Variants in MGRN1 observed in about 807,000 individuals in gnomAD.
MGRN1 encodes mahogunin ring finger 1.
Under a neutral mutation model 69.2 loss-of-function variants are expected in MGRN1, and 29 were observed. The observed-to-expected ratio is 0.42, with a 90% CI of 0.31 to 0.57. The LOEUF (loss-of-function observed/expected upper bound fraction) is 0.57, where lower values mean the gene tolerates loss of function less well. Ranked by LOEUF, MGRN1 falls within the 20% of genes least tolerant of loss-of-function variation. The pLI, the probability that MGRN1 is intolerant of heterozygous loss-of-function variation, is 0.15. For synonymous variants in MGRN1, 470 were observed against 344.2 expected, an observed-to-expected ratio of 1.37 and a Z score of -4.04; for missense variants, 998 against 796.2, an observed-to-expected ratio of 1.25 and a Z score of -3.05.
At chr16:4,638,600 C>T (rs1245330782) in intron 1 of MGRN1, among the ~76,000 whole-genome samples, 2 of 152,204 alleles carry the variant, frequency 1.3e-5, no homozygotes, top group Non-Finnish European at 2.9e-5. Flanking sequence ...ACCCCCAGAG[C>T]ACTCGAAGGC....
At chr16:4,643,353 C>T (rs2078204033) in intron 1 of MGRN1, among the ~76,000 whole-genome samples, 2 of 151,946 alleles carry the variant, frequency 1.3e-5, no homozygotes, top group Non-Finnish European at 2.9e-5. Context: ...ACCTTGGCCT[C>T]CCAAAGTGGT....
At chr16:4,643,015 G>A (rs1269984569) in intron 1 of MGRN1, among the ~76,000 whole-genome samples, 1 of 151,946 alleles carries the variant, frequency 6.6e-6, no homozygotes, top group Non-Finnish European at 1.5e-5. Flanking sequence ...GAGTGAAGTG[G>A]CACAATCTCA....
intron 1 of MGRN1, among the ~76,000 whole-genome samples, chr16:4,628,385 CAAA>C (rs35474754): frequency 3.3e-4 from 31 of 93,974 alleles, no homozygotes; most frequent in Admixed American, 3.3e-4. Flanking sequence ...ACTCTGTCTC[CAAA>C]AAAAAAAAAA....
chr16:4,632,214 C>T (rs796204942), intron 1 of MGRN1, among the ~76,000 whole-genome samples: 4 of 151,110 alleles, frequency 2.6e-5, no homozygotes, highest in African/African-American at 7.3e-5. Flanking sequence ...ATGGGTTTCA[C>T]CATGTTGGCA....
chr16:4,676,556 C>T (rs77535261), intron 10 of MGRN1, among the ~76,000 whole-genome samples: 2,395 of 152,254 alleles, frequency 0.016, 33 homozygotes, highest in Non-Finnish European at 0.025. Context: ...CACAGGCGCC[C>T]GAGGGCAGAG....
intron 7 of MGRN1, among the ~76,000 whole-genome samples, chr16:4,667,174 C>T (rs573575658): frequency 7.2e-5 from 11 of 152,358 alleles, no homozygotes; most frequent in African/African-American, 2.6e-4. Flanking sequence ...CCAGGCTCTC[C>T]ACCCACCTCC....
intron 4 of MGRN1, among the ~76,000 whole-genome samples, chr16:4,655,759 G>A (rs905724176): frequency 1.2e-4 from 19 of 152,200 alleles, no homozygotes; most frequent in African/African-American, 4.3e-4. Context: ...CCAGGCACCC[G>A]GACACCATCC....
chr16:4,688,600 A>G, intron 16 of MGRN1, 196 bp from the exon 17 acceptor site: 1 of 1,351,214 alleles, frequency 7.4e-7, no homozygotes, highest in Non-Finnish European at 9.6e-7. Flanking sequence ...CAAGAGGGAC[A>G]CAGCGTATTT....
At chr16:4,631,778 AT>A (rs1312184835) in intron 1 of MGRN1, among the ~76,000 whole-genome samples, 1 of 152,162 alleles carries the variant, frequency 6.6e-6, no homozygotes, top group African/African-American at 2.4e-5. Flanking sequence ...GCAGCCTGCA[AT>A]TTTGATAAGT....
intron 10 of MGRN1, among the ~76,000 whole-genome samples, chr16:4,674,381 C>A (rs909337999): frequency 1.3e-5 from 2 of 151,578 alleles, no homozygotes; most frequent in African/African-American, 4.9e-5. Flanking sequence ...CTCCGCCTCC[C>A]GGGTTTAAGT....
At chr16:4,687,317 A>AGG in intron 16 of MGRN1, 1 of 978,544 alleles carries the variant, frequency 1.0e-6, no homozygotes, top group Non-Finnish European at 1.2e-6. Context: ...TGGGAGACCG[A>AGG]GGGGATAGAT....
intron 4 of MGRN1, 140 bp downstream of exon 4, chr16:4,652,964 A>AG: frequency 8.4e-7 from 1 of 1,184,584 alleles, no homozygotes; most frequent in Non-Finnish European, 1.1e-6. Context: ...CCACGATGTG[A>AG]GGGGTTTCTC....
At chr16:4,628,875 C>T (rs1169049997) in intron 1 of MGRN1, among the ~76,000 whole-genome samples, 3 of 151,830 alleles carry the variant, frequency 2.0e-5, no homozygotes, top group Non-Finnish European at 2.9e-5. Context: ...CAGTCTCGCT[C>T]TGTTGCCCTG....
At chr16:4,657,416 CTTGGGGG>C in intron 5 of MGRN1, 53 bp downstream of exon 5, 1 of 1,551,170 alleles carries the variant, frequency 6.4e-7, no homozygotes, top group Non-Finnish European at 8.9e-7. Context: ...ATTCTCTCCC[CTTGGGGG>C]TGGGGCCAGC....
At chr16:4,670,165 AGTGATTTCTC>A (rs2078906141) in intron 8 of MGRN1, among the ~76,000 whole-genome samples, 1 of 150,258 alleles carries the variant, frequency 6.7e-6, no homozygotes, top group Admixed American at 6.6e-5. Context: ...CCCAGGTTCA[AGTGATTTCTC>A]GTTCAGGCTC....
rs931020002 is a variant in MGRN1, at chr16:4,678,532, G to A, written c.1065+960G>A. On this transcript the variant is annotated intron_variant, in intron 11 of 16. Coordinates refer to ENST00000262370, the MANE Select transcript of MGRN1 (RefSeq NM_015246.4). ...ATAGGAAGAGACAGACAGATGTGGAGAGACGGAGAGACAGATGTGGAGAGA... is the reference window on the plus strand; with the variant it reads ...ATAGGAAGAGACAGACAGATGTGGAAAGACGGAGAGACAGATGTGGAGAGA... Among the ~76,000 whole-genome samples, 3 of 152,116 alleles carry A rather than the reference G, an allele frequency of 2.0e-5. No individual in the cohort carries two copies. The South Asian group carries it at 6.2e-4, about 32-fold the overall frequency.
At chr16:4,633,781 T>G (rs1898134839) in intron 1 of MGRN1, 2 of 151,834 alleles carry the variant, frequency 1.3e-5, no homozygotes, top group South Asian at 4.2e-4. Flanking sequence ...GCAGTGGTGC[T>G]ATCTCGGCTC....
chr16:4,679,801 C>T (rs898498650), intron 11 of MGRN1, among the ~76,000 whole-genome samples: 3 of 152,192 alleles, frequency 2.0e-5, no homozygotes, highest in African/African-American at 7.2e-5. Context: ...TTGGGCTCCA[C>T]AGCCTCCCCA....
chr16:4,687,378 C>G (rs1292008435), intron 16 of MGRN1: 1 of 928,772 alleles, frequency 1.1e-6, no homozygotes, highest in Admixed American at 6.2e-5. Context: ...GACCCCCTCT[C>G]TATGAAAAAT....
Sources: allele counts gnomAD v4.1 joint callset (sites outside exome capture counted in the v4.1 genomes callset), GRCh38; gene constraint gnomAD v4.1.1; transcripts MANE v1.5; gene names NCBI Gene and HGNC (gene_info 2026-07-23, HGNC 2026-07-21).